The following DUSP14 variants were observed in gnomAD, a reference collection of about 807,000 sequenced individuals.
The protein encoded by DUSP14 is dual specificity phosphatase 14, also known as dual specificity protein phosphatase 14.
Under a neutral mutation model 13.2 loss-of-function variants are expected in DUSP14, and 5 were observed. The ratio of observed to expected loss-of-function variants is 0.38; its 90% confidence interval spans 0.20 to 0.80. The LOEUF (loss-of-function observed/expected upper bound fraction) is 0.80, where lower values mean the gene tolerates loss of function less well. Ranked by LOEUF, DUSP14 falls within the 30% of genes least tolerant of loss-of-function variation. DUSP14 has a pLI of 0.44. For missense variants in DUSP14, 185 were observed against 264.0 expected (o/e 0.70, Z 2.07); for synonymous variants, 91 against 103.4 (o/e 0.88, Z 0.73).
At chr17:37,501,320 A>T (rs897457492) in intron 1 of DUSP14, among the ~76,000 whole-genome samples, 1 of 152,182 alleles carries the variant, frequency 6.6e-6, no homozygotes, top group African/African-American at 2.4e-5. Context: ...GTGTATACAG[A>T]TCACCTGGGA....
intron 1 of DUSP14, among the ~76,000 whole-genome samples, chr17:37,497,891 A>C (rs1463901432): frequency 2.0e-5 from 3 of 152,016 alleles, no homozygotes; most frequent in Non-Finnish European, 4.4e-5. Flanking sequence ...CTGTCTCTAC[A>C]AAAAATTAGC....
At chr17:37,498,615 C>T (rs1029157368) in intron 1 of DUSP14, among the ~76,000 whole-genome samples, 22 of 151,780 alleles carry the variant, frequency 1.4e-4, no homozygotes, top group Non-Finnish European at 2.4e-4. Flanking sequence ...CGTGAGCCAC[C>T]GCACCCGGCC....
intron 2 of DUSP14, among the ~76,000 whole-genome samples, chr17:37,511,008 ATATATATGTAAATG>A (rs1450719529): frequency 1.3e-5 from 2 of 151,052 alleles, no homozygotes; most frequent in Non-Finnish European, 2.9e-5. Flanking sequence ...ATATATATCA[ATATATATGTAAATG>A]TATATATTGA....
chr17:37,501,046 G>C (rs183234962), intron 1 of DUSP14, among the ~76,000 whole-genome samples: 1 of 152,036 alleles, frequency 6.6e-6, no homozygotes, highest in African/African-American at 2.4e-5. Context: ...ATGGAAGGAC[G>C]GTTCTGGTCC....
At chr17:37,506,412 C>T (rs1291874605) in intron 1 of DUSP14, among the ~76,000 whole-genome samples, 2 of 152,114 alleles carry the variant, frequency 1.3e-5, no homozygotes, top group Admixed American at 6.6e-5. Context: ...CCAAGAAGCA[C>T]GTGCCATTGC....
At chr17:37,495,334 T>G (rs1275265732) in intron 1 of DUSP14, among the ~76,000 whole-genome samples, 3 of 152,200 alleles carry the variant, frequency 2.0e-5, no homozygotes, top group Non-Finnish European at 4.4e-5. Flanking sequence ...TTGGGTCAGC[T>G]TTTCACACCC....
chr17:37,504,451 A>G (rs147024954), intron 1 of DUSP14, among the ~76,000 whole-genome samples: 53 of 152,240 alleles, frequency 3.5e-4, no homozygotes, highest in Non-Finnish European at 6.8e-4. Context: ...GTATTATCCT[A>G]TGATATCAGT....
rs573482843 is a variant in DUSP14 at position 37,513,126 on chromosome 17, A to T, written c.*257A>T. The T allele has an allele frequency of 4.1e-5, 21 of 518,330 alleles. No homozygotes were observed. The highest frequency in any genetic ancestry group is 4.0e-4 in the African/African-American group (21 of 52,206). The allele number at this position is 518,330 out of a possible 1,614,324, so 32.1% of individuals were successfully genotyped here. ...TCTTTAGCTTTTAATCATTTTTACC[A>T]ATTTGAACAGTTTAATAAACTGGTT... On this transcript the variant is annotated 3_prime_UTR_variant, in exon 3 of 3. Transcript: ENST00000617516.
chr17:37,495,746 G>A (rs1258277643), intron 1 of DUSP14, among the ~76,000 whole-genome samples: 3 of 151,582 alleles, frequency 2.0e-5, no homozygotes, highest in South Asian at 2.1e-4. Flanking sequence ...TGCAACCTCC[G>A]CTTCCCAGGT....
At chr17:37,501,963 T>C (rs554036906) in intron 1 of DUSP14, among the ~76,000 whole-genome samples, 5 of 152,344 alleles carry the variant, frequency 3.3e-5, no homozygotes, top group African/African-American at 9.6e-5. Context: ...ACCAGTTGTT[T>C]CGTTCACTCA....
At chr17:37,503,823 G>A (rs1597971119) in intron 1 of DUSP14, among the ~76,000 whole-genome samples, 1 of 152,260 alleles carries the variant, frequency 6.6e-6, no homozygotes, top group African/African-American at 2.4e-5. Context: ...TGCTGGCATG[G>A]TTTTTCCTGC....
intron 1 of DUSP14, among the ~76,000 whole-genome samples, chr17:37,496,790 C>T (rs550325321): frequency 2.6e-5 from 4 of 151,958 alleles, no homozygotes; most frequent in Non-Finnish European, 5.9e-5. Flanking sequence ...GTGGCATGCA[C>T]CTGTAATCTC....
At chr17:37,505,374 A>G (rs1347278449) in intron 1 of DUSP14, among the ~76,000 whole-genome samples, 1 of 152,214 alleles carries the variant, frequency 6.6e-6, no homozygotes, top group Non-Finnish European at 1.5e-5. Context: ...TCTCAAAACA[A>G]AAAGAACTAG....
chr17:37,509,659 T>C (rs1409780282), intron 1 of DUSP14, among the ~76,000 whole-genome samples: 2 of 151,896 alleles, frequency 1.3e-5, no homozygotes, highest in African/African-American at 4.8e-5. Context: ...TAAAAGTCCA[T>C]TGATAGAAAA....
chr17:37,488,811 T>G (rs1167714972), upstream of DUSP14, among the ~76,000 whole-genome samples: 2 of 152,108 alleles, frequency 1.3e-5, no homozygotes, highest in Non-Finnish European at 2.9e-5. Flanking sequence ...CTTCAAAGCT[T>G]TTGGTTGAGG....
chr17:37,511,514 C>G lies in DUSP14; in HGVS notation c.-92-667C>G, dbSNP rs982493695. On this transcript the variant is annotated intron_variant, in intron 2 of 2. Transcript: ENST00000617516. ...CAGGCTGGTCTCGAACTCCTGACCT[C>G]AGGTGATCCACCCGCCTCAGCCTCC... Among the ~76,000 whole-genome samples, 5 of 151,644 alleles carry G rather than the reference C, an allele frequency of 3.3e-5. No homozygotes were observed. The South Asian group carries it at 6.3e-4, about 19-fold the overall frequency.
At chr17:37,509,279 A>G (rs767474210) in intron 1 of DUSP14, among the ~76,000 whole-genome samples, 14,318 of 43,098 alleles carry the variant, frequency 0.33, 2,023 homozygotes, top group East Asian at 0.4. Flanking sequence ...ATATATATAT[A>G]TATATATATA....
chr17:37,511,585 C>CTTTTTTTTTTTTTT lies in DUSP14; in HGVS notation c.-92-591_-92-578dup, dbSNP rs533256343. 4.0e-3 allele frequency among the ~76,000 whole-genome samples: 347 copies of CTTTTTTTTTTTTTT among 87,292 alleles called. 59 individuals carry two copies. The highest frequency in any genetic ancestry group is 0.014 in the African/African-American group (271 of 19,072). The allele number at this position is 87,292 out of a possible 152,430, so 57.3% of individuals were successfully genotyped here. A position where few individuals can be genotyped will look rare whatever the true frequency, so the allele number is the denominator to read the frequency against. On this transcript the variant is annotated intron_variant, in intron 2 of 2. Coordinates refer to ENST00000617516, the MANE Select transcript of DUSP14 (RefSeq NM_007026.4). ...CATGAGCTACCTCACCTGGCCTTTC[C>CTTTTTTTTTTTTTT]TTTTTTTTTTTTTTTTTTAGAAGCT...
rs112438101 is a variant in DUSP14, at chr17:37,511,344, G to C, written c.-93+580G>C. Among the ~76,000 whole-genome samples, 46 of 152,188 alleles carry C rather than the reference G, an allele frequency of 3.0e-4. 2 individuals are homozygous for C. The East Asian group carries it at 4.1e-3, about 13-fold the overall frequency. ...CACCCAGGCTGGAGTATAGTGGCACGATCTCAGCTAGTTGCAACCTCCGCC... is the reference window on the plus strand; with the variant it reads ...CACCCAGGCTGGAGTATAGTGGCACCATCTCAGCTAGTTGCAACCTCCGCC... On this transcript the variant is annotated intron_variant, in intron 2 of 2. Transcript: ENST00000617516.
Sources: gnomAD v4.1 joint callset for allele counts (sites outside exome capture counted in the v4.1 genomes callset) on GRCh38, gnomAD v4.1.1 for gene constraint, MANE v1.5 for transcripts, NCBI Gene and HGNC (gene_info 2026-07-23, HGNC 2026-07-21) for gene names.